Variants in RPH3AL observed in about 807,000 individuals in gnomAD.
RPH3AL encodes rabphilin 3A like (without C2 domains), also known as rab effector Noc2.
Under a neutral mutation model 43.1 loss-of-function variants are expected in RPH3AL, and 38 were observed. That is an observed-to-expected ratio of 0.88 (90% CI 0.68 to 1.15). RPH3AL has a LOEUF of 1.15. Ranked by LOEUF, RPH3AL falls within the 50% of genes most tolerant of loss-of-function variation. The pLI is 0.00. For missense variants in RPH3AL, 462 were observed against 423.2 expected, an observed-to-expected ratio of 1.09 and a Z score of -0.81; for synonymous variants, 189 against 176.3, an observed-to-expected ratio of 1.07 and a Z score of -0.57.
intron 6 of RPH3AL, among the ~76,000 whole-genome samples, chr17:253,458 G>T (rs948620795): frequency 2.0e-5 from 3 of 152,126 alleles, no homozygotes; most frequent in Non-Finnish European, 4.4e-5. Flanking sequence ...CTCCTTTGCG[G>T]CACCGGACCA....
intron 6 of RPH3AL, among the ~76,000 whole-genome samples, chr17:269,790 T>C (rs938073633): frequency 2.0e-5 from 3 of 152,218 alleles, no homozygotes; most frequent in African/African-American, 7.2e-5. Flanking sequence ...TGGAGCACTG[T>C]GCTGAAAGAG....
chr17:267,787 G>A (rs571043779), intron 6 of RPH3AL, among the ~76,000 whole-genome samples: 2 of 152,056 alleles, frequency 1.3e-5, no homozygotes, highest in Non-Finnish European at 2.9e-5. Flanking sequence ...CATTCTGGGA[G>A]ATCCTACAGG....
intron 5 of RPH3AL, among the ~76,000 whole-genome samples, chr17:297,844 T>C: frequency 6.6e-6 from 1 of 152,120 alleles, no homozygotes; most frequent in East Asian, 1.9e-4. Context: ...CCGCAAACAC[T>C]TGTAAGTCCC....
intron 1 of RPH3AL, among the ~76,000 whole-genome samples, chr17:340,155 C>T (rs947906130): frequency 4.6e-5 from 7 of 152,052 alleles, no homozygotes; most frequent in Non-Finnish European, 8.8e-5. Context: ...TCCAGGCTCC[C>T]CAGCTCAGAC....
At chr17:302,167 G>C (rs2043345071) in intron 5 of RPH3AL, among the ~76,000 whole-genome samples, 1 of 152,268 alleles carries the variant, frequency 6.6e-6, no homozygotes, top group Admixed American at 6.5e-5. Context: ...TGCGGACTGC[G>C]AGGCTGCAAG....
rs1347225594 is a variant in RPH3AL at position 289,753 on chromosome 17, C to A, written c.352-7899G>T. On this transcript the variant is annotated intron_variant, in intron 5 of 9. Transcript: ENST00000331302. The surrounding 1 kb of genome is among the most constrained non-coding windows in gnomAD (Gnocchi z 5.2). ...AGCCCCTGGTCCTTCTGCCACAGGA[C>A]CTTTGCACGTGTTGCCCCCTCTGTG... is the stretch of plus-strand genomic sequence containing the variant. Among the ~76,000 whole-genome samples, 4 of 152,214 alleles carry A rather than the reference C, an allele frequency of 2.6e-5. No homozygotes were observed. Among genetic ancestry groups the A allele is most frequent in the Non-Finnish European group, 4.4e-5 (3 of 68,040 alleles).
chr17:277,984 G>C (rs116349539), intron 6 of RPH3AL, among the ~76,000 whole-genome samples: 29 of 151,778 alleles, frequency 1.9e-4, no homozygotes, highest in African/African-American at 7.0e-4. Context: ...AAAAAACCCC[G>C]AAACCCTAAG....
intron 6 of RPH3AL, among the ~76,000 whole-genome samples, chr17:268,966 C>CA (rs2151584095): frequency 6.6e-6 from 1 of 152,280 alleles, no homozygotes; most frequent in East Asian, 1.9e-4. Context: ...GCAAGCTCTG[C>CA]CTCCCGGGTT....
chr17:315,607 G>C (rs1362069246), intron 5 of RPH3AL, among the ~76,000 whole-genome samples: 2 of 115,126 alleles, frequency 1.7e-5, no homozygotes, highest in African/African-American at 7.5e-5. Flanking sequence ...CACCTCCACT[G>C]AACTCTAGTC....
At chr17:347,587 A>G (rs1245039914) in intron 1 of RPH3AL, among the ~76,000 whole-genome samples, 1 of 151,930 alleles carries the variant, frequency 6.6e-6, no homozygotes, top group Non-Finnish European at 1.5e-5. Context: ...CTGTTCAAAA[A>G]AAAAACCAGC....
chr17:259,678 G>T (rs554153116), intron 6 of RPH3AL, among the ~76,000 whole-genome samples: 2 of 152,334 alleles, frequency 1.3e-5, no homozygotes, highest in South Asian at 4.1e-4. Flanking sequence ...CCTTGAAAAT[G>T]CCATTTAATG....
At position 285,194 on chromosome 17, in the gene RPH3AL, G is replaced by A. The variant is rs562051745; in HGVS notation, c.352-3340C>T. On this transcript the variant is annotated intron_variant, in intron 5 of 9. Transcript: ENST00000331302. Reference sequence around the variant, plus strand: ...AGCCCTGGAGTCGTCTAGAGCCCTCGGTCCCCCTGAGCCTGCACCTCACGC... The same window carrying A: ...AGCCCTGGAGTCGTCTAGAGCCCTCAGTCCCCCTGAGCCTGCACCTCACGC... Among the ~76,000 whole-genome samples, 14 of 151,218 alleles carry A rather than the reference G, an allele frequency of 9.3e-5. No individual in the cohort carries two copies. In the South Asian group the frequency reaches 1.7e-3, roughly 18 times the overall value.
intron 5 of RPH3AL, among the ~76,000 whole-genome samples, chr17:314,788 C>T (rs879650382): frequency 1.3e-4 from 20 of 150,348 alleles, no homozygotes; most frequent in African/African-American, 5.0e-4. Context: ...CCTCCATTGA[C>T]CTGTAGTCCC....
intron 5 of RPH3AL, among the ~76,000 whole-genome samples, chr17:312,797 C>T (rs987849582): frequency 5.3e-5 from 8 of 152,288 alleles, no homozygotes; most frequent in South Asian, 2.1e-4. Flanking sequence ...TACGAGACCG[C>T]GCCACCGTGG....
At chr17:310,492 G>T (rs1383178909) in intron 5 of RPH3AL, among the ~76,000 whole-genome samples, 1 of 152,138 alleles carries the variant, frequency 6.6e-6, no homozygotes, top group African/African-American at 2.4e-5. Context: ...TCTCCAGCCT[G>T]CCCAAGCCCA....
chr17:302,840 G>T (rs1030728270), intron 5 of RPH3AL, among the ~76,000 whole-genome samples: 2 of 152,244 alleles, frequency 1.3e-5, no homozygotes, highest in African/African-American at 4.8e-5. Context: ...AAAAAGGAGT[G>T]TACATAGGCA....
At chr17:307,429 G>GGCAGGTCCTCCCCACA (rs879820998) in intron 5 of RPH3AL, among the ~76,000 whole-genome samples, 124 of 151,836 alleles carry the variant, frequency 8.2e-4, no homozygotes, top group Non-Finnish European at 1.4e-3. Flanking sequence ...TCCTCCCCAC[G>GGCAGGTCCTCCCCACA]GCAGGTCCTC....
At chr17:324,076 C>T (rs142934293) in intron 3 of RPH3AL, among the ~76,000 whole-genome samples, 348 of 152,232 alleles carry the variant, frequency 2.3e-3, no homozygotes, top group African/African-American at 8.0e-3. Context: ...GAGGCAGGCC[C>T]GGACCCTGAG....
At chr17:224,935 T>A (rs990113117) in intron 7 of RPH3AL, among the ~76,000 whole-genome samples, 13 of 97,352 alleles carry the variant, frequency 1.3e-4, no homozygotes, top group Admixed American at 9.6e-4. Context: ...GGACACAGGG[T>A]GGGGAACATC....
Sources: allele counts gnomAD v4.1 joint callset (sites outside exome capture counted in the v4.1 genomes callset), GRCh38; gene constraint gnomAD v4.1.1; non-coding constraint Gnocchi (gnomAD v3.1); transcripts MANE v1.5; gene names NCBI Gene and HGNC (gene_info 2026-07-23, HGNC 2026-07-21).